Variants in UBE2E2 observed in about 807,000 individuals in gnomAD.
UBE2E2 encodes ubiquitin-conjugating enzyme E2 E2.
In UBE2E2, 6 loss-of-function variants were observed where a neutral mutation model predicts 24.7. That is an observed-to-expected ratio of 0.24 (90% CI 0.13 to 0.48). The LOEUF is 0.48. UBE2E2 is among the 20% of genes least tolerant of loss of function. The probability of loss-of-function intolerance (pLI) is 0.99; values close to 1 mark genes in which losing one functional copy is unlikely to be tolerated. For synonymous variants in UBE2E2, 104 were observed against 83.6 expected (o/e 1.24, Z -1.33); for missense variants, 169 against 245.0 (o/e 0.69, Z 2.07).
At chr3:23,516,598 T>C (rs1694745914) in intron 4 of UBE2E2, among the ~76,000 whole-genome samples, 1 of 152,144 alleles carries the variant, frequency 6.6e-6, no homozygotes, top group African/African-American at 2.4e-5. Context: ...AAGACAAAAT[T>C]CTTAAATATT....
chr3:23,575,595 C>T (rs1011842207), intron 5 of UBE2E2, among the ~76,000 whole-genome samples: 18 of 151,730 alleles, frequency 1.2e-4, no homozygotes, highest in African/African-American at 2.9e-4. Flanking sequence ...ACAGGTACAA[C>T]GACAGATTAT....
intron 5 of UBE2E2, among the ~76,000 whole-genome samples, chr3:23,573,427 C>T (rs1374644948): frequency 6.6e-6 from 1 of 152,026 alleles, no homozygotes; most frequent in Non-Finnish European, 1.5e-5. Context: ...AAGGACAAAT[C>T]ATATACTGGG....
intron 5 of UBE2E2, among the ~76,000 whole-genome samples, chr3:23,556,200 A>G (rs1575704688): frequency 7.7e-6 from 1 of 129,396 alleles, no homozygotes; most frequent in African/African-American, 3.0e-5. Context: ...ACTGGAGTGC[A>G]GTGGTGCGAT....
At chr3:23,452,466 A>G (rs1313288468) in intron 3 of UBE2E2, among the ~76,000 whole-genome samples, 1 of 152,186 alleles carries the variant, frequency 6.6e-6, no homozygotes, top group Non-Finnish European at 1.5e-5. Context: ...TTGAATCTAT[A>G]TTAAAATTTT....
intron 3 of UBE2E2, among the ~76,000 whole-genome samples, chr3:23,494,353 T>C (rs2125451787): frequency 6.6e-6 from 1 of 152,332 alleles, no homozygotes; most frequent in South Asian, 2.1e-4. Flanking sequence ...CATTTCAACA[T>C]GTAGTTGTTC....
rs1484456566 is a variant in UBE2E2, at chr3:23,387,462, C to G, written c.228-112146C>G. Among the ~76,000 whole-genome samples, 3 of 152,106 alleles carry G rather than the reference C, an allele frequency of 2.0e-5. No individual in the cohort carries two copies. The East Asian group carries it at 5.8e-4, about 29-fold the overall frequency. ...CCCTTAAGTGCTATGATTGTGATTCCCTTTTTTATCTATAGGACACAGTTT... is the reference window on the plus strand; with the variant it reads ...CCCTTAAGTGCTATGATTGTGATTCGCTTTTTTATCTATAGGACACAGTTT... On this transcript the variant is annotated intron_variant, in intron 3 of 5. Transcript: ENST00000396703.
intron 3 of UBE2E2, among the ~76,000 whole-genome samples, chr3:23,396,037 A>G (rs1697064945): frequency 6.6e-6 from 1 of 152,064 alleles, no homozygotes; most frequent in Non-Finnish European, 1.5e-5. Flanking sequence ...TCTTCAAATT[A>G]ATCATCTCTT....
At chr3:23,235,658 G>C (rs1197953046) in intron 3 of UBE2E2, among the ~76,000 whole-genome samples, 1 of 152,136 alleles carries the variant, frequency 6.6e-6, no homozygotes, top group Admixed American at 6.6e-5. Flanking sequence ...AGGGTCATTT[G>C]AAGTATGTTT....
intron 3 of UBE2E2, among the ~76,000 whole-genome samples, chr3:23,387,392 A>G (rs1696827964): frequency 6.6e-6 from 1 of 151,850 alleles, no homozygotes; most frequent in Non-Finnish European, 1.5e-5. Context: ...CAAATTTGCT[A>G]CTCTTTTATT....
chr3:23,281,046 T>C (rs1205561903), intron 3 of UBE2E2, among the ~76,000 whole-genome samples: 1 of 152,212 alleles, frequency 6.6e-6, no homozygotes, highest in Non-Finnish European at 1.5e-5. Flanking sequence ...TCTTTTATAA[T>C]AGCACTAATC....
intron 5 of UBE2E2, among the ~76,000 whole-genome samples, chr3:23,542,862 T>C (rs1292590755): frequency 6.6e-6 from 1 of 152,226 alleles, no homozygotes; most frequent in Non-Finnish European, 1.5e-5. Flanking sequence ...ACCTCAGGGA[T>C]TTAGCCTTGG....
intron 3 of UBE2E2, among the ~76,000 whole-genome samples, chr3:23,264,372 A>G (rs1575515445): frequency 7.1e-6 from 1 of 141,684 alleles, no homozygotes. Flanking sequence ...AAGGAAAAGG[A>G]AAAAAAAAAA....
chr3:23,263,804 T>A (rs1385326715), intron 3 of UBE2E2, among the ~76,000 whole-genome samples: 7 of 152,146 alleles, frequency 4.6e-5, no homozygotes, highest in Non-Finnish European at 1.0e-4. Flanking sequence ...AGATGGTGTA[T>A]ATCTTAAAAA....
At chr3:23,490,362 G>T (rs1413100570) in intron 3 of UBE2E2, among the ~76,000 whole-genome samples, 1 of 152,158 alleles carries the variant, frequency 6.6e-6, no homozygotes, top group African/African-American at 2.4e-5. Flanking sequence ...TCCGTGGTTG[G>T]TCTTTATGTT....
At chr3:23,425,140 A>T (rs943950256) in intron 3 of UBE2E2, among the ~76,000 whole-genome samples, 1 of 152,158 alleles carries the variant, frequency 6.6e-6, no homozygotes, top group Non-Finnish European at 1.5e-5. Flanking sequence ...TCCTTTCCTT[A>T]TAAATATTTC....
At chr3:23,287,403 A>T (rs1698645453) in intron 3 of UBE2E2, among the ~76,000 whole-genome samples, 1 of 152,080 alleles carries the variant, frequency 6.6e-6, no homozygotes, top group Non-Finnish European at 1.5e-5. Context: ...GTGTGCCTTT[A>T]TCTGGTTTTG....
intron 3 of UBE2E2, among the ~76,000 whole-genome samples, chr3:23,300,709 C>T (rs1362336588): frequency 6.6e-6 from 1 of 152,062 alleles, no homozygotes; most frequent in Non-Finnish European, 1.5e-5. Flanking sequence ...CTCTGGCTGC[C>T]CTTAACATTT....
intron 5 of UBE2E2, among the ~76,000 whole-genome samples, chr3:23,560,773 A>G (rs1467833739): frequency 6.6e-6 from 1 of 151,974 alleles, no homozygotes; most frequent in Non-Finnish European, 1.5e-5. Context: ...CTGGTGTGAG[A>G]TGGTATCTCA....
chr3:23,474,399 T>G lies in UBE2E2; in HGVS notation c.228-25209T>G, dbSNP rs1327742110. On this transcript the variant is annotated intron_variant, in intron 3 of 5. Coordinates refer to ENST00000396703, the MANE Select transcript of UBE2E2 (RefSeq NM_152653.4). This position sits in a 1 kb window ranked among gnomAD's most constrained non-coding sequence, Gnocchi z 4.0. ...AGTCATTCTAGTCCTCATTTTAAAA[T>G]GCAAATTTGGTACAAAGTACTCTTT... Among the ~76,000 whole-genome samples, 1 of 152,092 alleles carries G rather than the reference T, an allele frequency of 6.6e-6. No homozygotes were observed. Among genetic ancestry groups the G allele is most frequent in the Non-Finnish European group, 1.5e-5 (1 of 68,028 alleles).
Sources: gnomAD v4.1 joint callset for allele counts (sites outside exome capture counted in the v4.1 genomes callset) on GRCh38, gnomAD v4.1.1 for gene constraint, Gnocchi (gnomAD v3.1) non-coding constraint, MANE v1.5 for transcripts, NCBI Gene and HGNC (gene_info 2026-07-23, HGNC 2026-07-21) for gene names.